The following ADAMTS19 variants were observed in gnomAD, a reference collection of about 807,000 sequenced individuals.
The protein encoded by ADAMTS19 is A disintegrin and metalloproteinase with thrombospondin motifs 19.
In ADAMTS19, 93 loss-of-function variants were observed where a neutral mutation model predicts 153.3. The observed-to-expected ratio is 0.61, with a 90% CI of 0.51 to 0.72. The LOEUF is 0.72. Ranked by LOEUF, ADAMTS19 falls within the 30% of genes least tolerant of loss-of-function variation. ADAMTS19 has a pLI of 0.00. For missense variants in ADAMTS19, 1,482 were observed against 1,552.1 expected (o/e 0.95, Z 0.76); for synonymous variants, 600 against 556.6 (o/e 1.08, Z -1.10).
At chr5:129,610,103 A>G (rs1461951526) in intron 8 of ADAMTS19, among the ~76,000 whole-genome samples, 1 of 151,210 alleles carries the variant, frequency 6.6e-6, no homozygotes, top group African/African-American at 2.4e-5. Context: ...TTATATATAT[A>G]TATATATATA....
At chr5:129,577,716 G>T (rs1016141644) in intron 7 of ADAMTS19, among the ~76,000 whole-genome samples, 42 of 151,942 alleles carry the variant, frequency 2.8e-4, no homozygotes, top group Admixed American at 4.6e-4. Flanking sequence ...ACGATTACAG[G>T]AATTTCAGAT....
At chr5:129,483,708 G>A (rs1259525575) in intron 2 of ADAMTS19, among the ~76,000 whole-genome samples, 1 of 152,196 alleles carries the variant, frequency 6.6e-6, no homozygotes, top group Non-Finnish European at 1.5e-5. Context: ...TACATTATGG[G>A]TAGCTCTTGC....
At chr5:129,723,444 T>A (rs1175532745) in intron 21 of ADAMTS19, among the ~76,000 whole-genome samples, 2 of 152,206 alleles carry the variant, frequency 1.3e-5, no homozygotes, top group East Asian at 3.9e-4. Context: ...TAAAGAAGAT[T>A]AAGCCTTTTT....
chr5:129,461,158 C>G lies in ADAMTS19; in HGVS notation c.148C>G (p.Arg50Gly). Residue 50 changes from arginine (R) to glycine (G), a missense_variant, in exon 2 of 23, where the codon CGC becomes GGC. Physicochemically the swap from Arg to Gly is moderately radical, Grantham distance 125 (BLOSUM62 -2). Around this residue, in one of 2 missense-constraint regions of ADAMTS19, gnomAD observed 866 missense variants for 827.7 expected, o/e 1.05. Transcript: ENST00000274487. The surrounding 1 kb of genome is among the most constrained non-coding windows in gnomAD (Gnocchi z 4.6). ...GGAAGTCGTGTTTCCTGCGCTCTGGCGCCGGGAGCCGGTGGACCCGGCTGG... is the reference window on the plus strand; with the variant it reads ...GGAAGTCGTGTTTCCTGCGCTCTGGGGCCGGGAGCCGGTGGACCCGGCTGG... ...EWEVVFPALW[R>G]REPVDPAGGS... 1 of 1,397,912 alleles carries G rather than the reference C, an allele frequency of 7.2e-7. No homozygotes were observed. The highest frequency in any genetic ancestry group is 9.3e-7 in the Non-Finnish European group (1 of 1,071,574). The allele number at this position is 1,397,912 out of a possible 1,614,324, so 86.6% of individuals were successfully genotyped here.
Position 129,734,997 on chromosome 5 carries a change from A to G in ADAMTS19, c.3378A>G (p.Gly1126=), listed in dbSNP as rs1757602041. 6.2e-7 allele frequency: 1 copy of G among 1,612,356 alleles called. No homozygotes were observed. Among genetic ancestry groups the G allele is most frequent in the Non-Finnish European group, 8.5e-7 (1 of 1,178,992 alleles). Residue 1126 remains glycine (G), a synonymous_variant, in exon 22 of 23, where the codon GGA becomes GGG. Transcript: ENST00000274487. The part of the protein sequence containing the change: ...RVIQCMHKIT[G]RHGNECFSSE... The stretch of plus-strand genomic sequence containing the variant: ...TCCAATGCATGCATAAGATCACAGG[A>G]AGACATGGAAATGAATGTTTTTCCT...
intron 7 of ADAMTS19, among the ~76,000 whole-genome samples, chr5:129,561,792 C>G (rs1434714345): frequency 1.3e-5 from 2 of 151,904 alleles, no homozygotes; most frequent in Non-Finnish European, 2.9e-5. Flanking sequence ...TCAGGCAGAT[C>G]TTCTAAATGT....
At chr5:129,654,688 T>A (rs958416911) in intron 14 of ADAMTS19, among the ~76,000 whole-genome samples, 2 of 152,126 alleles carry the variant, frequency 1.3e-5, no homozygotes, top group African/African-American at 4.8e-5. Flanking sequence ...GATTGTGTAA[T>A]ATATATATTA....
In ADAMTS19 at chr5:129,695,791, A is replaced by G. The variant is rs923848384; in HGVS notation, c.2954+936A>G. Among the ~76,000 whole-genome samples the G allele has an allele frequency of 5.9e-5, 9 of 152,190 alleles. No individual in the cohort carries two copies. In the South Asian group the frequency reaches 1.9e-3, roughly 32 times the overall value. ...ATTTACTTTGTCCTGACACTCAGGAATTTGTTGAAGCCCGGTGAGTTAGGA... is the reference window on the plus strand; with the variant it reads ...ATTTACTTTGTCCTGACACTCAGGAGTTTGTTGAAGCCCGGTGAGTTAGGA... On this transcript the variant is annotated intron_variant, in intron 19 of 22. Coordinates refer to ENST00000274487, the MANE Select transcript of ADAMTS19 (RefSeq NM_133638.6).
At chr5:129,581,168 T>C (rs1163208231) in intron 7 of ADAMTS19, among the ~76,000 whole-genome samples, 4 of 152,124 alleles carry the variant, frequency 2.6e-5, no homozygotes, top group Non-Finnish European at 4.4e-5. Context: ...CTTGGGAGGG[T>C]GTATGTGTCC....
intron 6 of ADAMTS19, among the ~76,000 whole-genome samples, chr5:129,549,857 CATGTAT>C (rs1753005211): frequency 9.9e-6 from 1 of 100,882 alleles, no homozygotes; most frequent in African/African-American, 6.0e-5. Flanking sequence ...TATACATATA[CATGTAT>C]CCGTATATGT....
chr5:129,653,502 G>A (rs947422682), intron 13 of ADAMTS19, among the ~76,000 whole-genome samples: 37 of 152,090 alleles, frequency 2.4e-4, no homozygotes, highest in African/African-American at 8.9e-4. Context: ...AAGAAGACTC[G>A]CAGCTGCTTA....
intron 21 of ADAMTS19, among the ~76,000 whole-genome samples, chr5:129,730,007 T>C (rs1179683126): frequency 6.6e-6 from 1 of 152,100 alleles, no homozygotes; most frequent in African/African-American, 2.4e-5. Context: ...TTTTCAAGAT[T>C]TACAGAAATT....
intron 16 of ADAMTS19, among the ~76,000 whole-genome samples, chr5:129,673,687 T>C (rs1409179411): frequency 6.6e-6 from 1 of 152,168 alleles, no homozygotes; most frequent in Non-Finnish European, 1.5e-5. Flanking sequence ...CTGATACTCA[T>C]CTTTTTTTCA....
intron 15 of ADAMTS19, among the ~76,000 whole-genome samples, chr5:129,659,518 C>G (rs943527464): frequency 6.6e-6 from 1 of 152,152 alleles, no homozygotes; most frequent in African/African-American, 2.4e-5. Flanking sequence ...ATGTGTCTTG[C>G]ACCCTTAATA....
intron 14 of ADAMTS19, among the ~76,000 whole-genome samples, chr5:129,657,810 A>C (rs1403600635): frequency 1.3e-5 from 2 of 152,168 alleles, no homozygotes; most frequent in African/African-American, 4.8e-5. Flanking sequence ...CTTTACAATC[A>C]CTTTAAAAGT....
At chr5:129,527,163 A>G (rs1225022478) in intron 4 of ADAMTS19, among the ~76,000 whole-genome samples, 1 of 151,852 alleles carries the variant, frequency 6.6e-6, no homozygotes, top group Non-Finnish European at 1.5e-5. Flanking sequence ...CTTTGACTTA[A>G]TTGTGTACTC....
At chr5:129,507,328 A>C (rs1031218344) in intron 2 of ADAMTS19, among the ~76,000 whole-genome samples, 1 of 152,018 alleles carries the variant, frequency 6.6e-6, no homozygotes, top group Non-Finnish European at 1.5e-5. Flanking sequence ...GTGTAACACA[A>C]CACCACCTAT....
intron 18 of ADAMTS19, among the ~76,000 whole-genome samples, chr5:129,690,541 TA>T (rs954007610): frequency 4.6e-5 from 7 of 152,050 alleles, no homozygotes; most frequent in Non-Finnish European, 7.4e-5. Flanking sequence ...TTCATTAAAA[TA>T]AAAAAATGAA....
intron 2 of ADAMTS19, among the ~76,000 whole-genome samples, chr5:129,496,085 T>C (rs1028937989): frequency 2.0e-5 from 3 of 152,192 alleles, no homozygotes; most frequent in Non-Finnish European, 4.4e-5. Context: ...AAGAATTTTG[T>C]TGGTACAAAG....
Sources: gnomAD v4.1 joint callset for allele counts (sites outside exome capture counted in the v4.1 genomes callset) on GRCh38, gnomAD v4.1.1 for gene constraint, gnomAD v4.1.1 regional missense constraint, Gnocchi (gnomAD v3.1) non-coding constraint, MANE v1.5 for transcripts, NCBI Gene and HGNC (gene_info 2026-07-23, HGNC 2026-07-21) for gene names.